Variants in ARHGEF10L observed in about 807,000 individuals in gnomAD.
ARHGEF10L encodes the protein Rho guanine nucleotide exchange factor 10 like, also known as rho guanine nucleotide exchange factor 10-like protein.
A neutral mutation model predicts 141.2 loss-of-function variants in ARHGEF10L; 69 were observed. That is an observed-to-expected ratio of 0.49 (90% CI 0.40 to 0.60). ARHGEF10L has a LOEUF of 0.60. ARHGEF10L is among the 20% of genes least tolerant of loss of function. The pLI is 0.00. For synonymous variants in ARHGEF10L, 711 were observed against 718.5 expected, an observed-to-expected ratio of 0.99 and a Z score of 0.17; for missense variants, 1,482 against 1,734.3, an observed-to-expected ratio of 0.85 and a Z score of 2.58.
chr1:17,569,608 C>T (rs2077906808), intron 1 of ARHGEF10L, among the ~76,000 whole-genome samples: 1 of 152,158 alleles, frequency 6.6e-6, no homozygotes, highest in Non-Finnish European at 1.5e-5. Flanking sequence ...GAGCTTGGAG[C>T]CAGATGGGAC....
At position 17,654,618 on chromosome 1, in the gene ARHGEF10L, C is replaced by A; in HGVS notation, c.2395-18C>A. The A allele has an allele frequency of 6.2e-7, 1 of 1,611,122 alleles. No individual in the cohort carries two copies. Among genetic ancestry groups the A allele is most frequent in the Non-Finnish European group, 8.5e-7 (1 of 1,177,278 alleles). ...ACCTTGATGATTAACCTCACATGTA[C>A]CGTCTCTGTCTCTGCAGCTTGGGGC... On this transcript the variant is annotated intron_variant, in intron 22 of 28. Transcript: ENST00000361221. This position sits in a 1 kb window ranked among gnomAD's most constrained non-coding sequence, Gnocchi z 4.3.
At chr1:17,605,463 C>T (rs1022392892) in intron 6 of ARHGEF10L, among the ~76,000 whole-genome samples, 1 of 152,110 alleles carries the variant, frequency 6.6e-6, no homozygotes, top group Non-Finnish European at 1.5e-5. Context: ...TTATGTGGTC[C>T]CTGAAAGCTG....
rs2081271951 is a variant in ARHGEF10L at position 17,607,365 on chromosome 1, C to G, written c.434-437C>G. Among the ~76,000 whole-genome samples, 1 of 152,144 alleles carries G rather than the reference C, an allele frequency of 6.6e-6. No individual in the cohort carries two copies. Among genetic ancestry groups the G allele is most frequent in the Non-Finnish European group, 1.5e-5 (1 of 68,038 alleles). ...TGGTGCACACCTGTAGTCCCGGCTA[C>G]CTGGGAAGCTGAGATAGGAGGATCT... On this transcript the variant is annotated intron_variant, in intron 6 of 28. Coordinates refer to ENST00000361221, the MANE Select transcript of ARHGEF10L (RefSeq NM_018125.4). The surrounding 1 kb of genome is among the most constrained non-coding windows in gnomAD (Gnocchi z 4.5).
Position 17,578,762 on chromosome 1 carries a change from T to C in ARHGEF10L, c.-43-1791T>C, listed in dbSNP as rs1217868904. The stretch of plus-strand genomic sequence containing the variant: ...CCTCAAAACAAAACCAAACCTACTA[T>C]GCAGCTGTTAAAAAAAGTGGGGTTG... On this transcript the variant is annotated intron_variant, in intron 1 of 28. Coordinates refer to ENST00000361221, the MANE Select transcript of ARHGEF10L (RefSeq NM_018125.4). 4.6e-5 allele frequency among the ~76,000 whole-genome samples: 7 copies of C among 152,166 alleles called. No individual in the cohort carries two copies. In the East Asian group the frequency reaches 1.3e-3, roughly 29 times the overall value.
chr1:17,618,222 C>T, intron 9 of ARHGEF10L: 1 of 1,167,316 alleles, frequency 8.6e-7, no homozygotes, highest in Non-Finnish European at 1.2e-6. Flanking sequence ...GGGTCACCCT[C>T]CCAACCCCAG....
At position 17,656,182 on chromosome 1, in the gene ARHGEF10L, G is replaced by C; in HGVS notation, c.2705+80G>C. 7.0e-7 allele frequency: 1 copy of C among 1,438,682 alleles called. No individual in the cohort carries two copies. The highest frequency in any genetic ancestry group is 9.4e-7 in the Non-Finnish European group (1 of 1,060,852). The allele number at this position is 1,438,682 out of a possible 1,614,324, so 89.1% of individuals were successfully genotyped here. A position where few individuals can be genotyped will look rare whatever the true frequency, so the allele number is the denominator to read the frequency against. ...TGGGGGCTGTCCCTGTAGCCTTCCG[G>C]ATCTGCCTGTTGCCCACCAACATTC... is the stretch of plus-strand genomic sequence containing the variant. On this transcript the variant is annotated intron_variant, in intron 24 of 28. Coordinates refer to ENST00000361221, the MANE Select transcript of ARHGEF10L (RefSeq NM_018125.4). The surrounding 1 kb of genome is among the most constrained non-coding windows in gnomAD (Gnocchi z 4.9).
chr1:17,599,765 T>C (rs940534667), intron 4 of ARHGEF10L, among the ~76,000 whole-genome samples: 12 of 152,190 alleles, frequency 7.9e-5, no homozygotes, highest in African/African-American at 2.9e-4. Flanking sequence ...ACTGTTGACT[T>C]CTGGCAGTGA....
intron 1 of ARHGEF10L, among the ~76,000 whole-genome samples, chr1:17,557,923 A>G (rs2077399241): frequency 6.6e-6 from 1 of 152,178 alleles, no homozygotes; most frequent in African/African-American, 2.4e-5. Context: ...GAGCTCCAGT[A>G]AATTCCACAC....
chr1:17,588,303 G>A lies in ARHGEF10L; in HGVS notation c.224-143G>A. The A allele has an allele frequency of 6.3e-6, 5 of 791,790 alleles. 1 individual carries two copies. The South Asian group carries it at 6.9e-5, about 11-fold the overall frequency. 49.0% of individuals were successfully genotyped at this position (791,790 alleles called of 1,614,324 possible). ...GATGACTGAGCCAGGGCTGGGGGAG[G>A]GAGGCGGGGCTCAGCAGGCACCCAG... On this transcript the variant is annotated intron_variant, in intron 3 of 28. Transcript: ENST00000361221.
chr1:17,542,833 G>A (rs1448325061), intron 1 of ARHGEF10L, among the ~76,000 whole-genome samples: 3 of 152,148 alleles, frequency 2.0e-5, no homozygotes, highest in African/African-American at 7.2e-5. Context: ...CAGCGAAGGC[G>A]CCAGCACTCA....
the ARHGEF10L span, among the ~76,000 whole-genome samples, chr1:17,519,009 C>T: frequency 6.7e-5 from 10 of 150,224 alleles, no homozygotes; most frequent in African/African-American, 2.5e-4. Context: ...AACCCCGTCT[C>T]TACTAAAAAT....
Position 17,656,193 on chromosome 1 carries a change from T to TG in ARHGEF10L, c.2705+92dup. On this transcript the variant is annotated intron_variant, in intron 24 of 28. Transcript: ENST00000361221. The surrounding 1 kb of genome is among the most constrained non-coding windows in gnomAD (Gnocchi z 4.9). ...CCTGTAGCCTTCCGGATCTGCCTGT[T>TG]GCCCACCAACATTCTCTGCCCCTGG... 1 of 1,382,522 alleles carries TG rather than the reference T, an allele frequency of 7.2e-7. No individual in the cohort carries two copies. Among genetic ancestry groups the TG allele is most frequent in the Non-Finnish European group, 9.8e-7 (1 of 1,015,256 alleles). The allele number at this position is 1,382,522 out of a possible 1,614,324, so 85.6% of individuals were successfully genotyped here. A position where few individuals can be genotyped will look rare whatever the true frequency, so the allele number is the denominator to read the frequency against.
chr1:17,608,823 C>T (rs760763992), intron 7 of ARHGEF10L, among the ~76,000 whole-genome samples: 13 of 152,136 alleles, frequency 8.5e-5, no homozygotes, highest in East Asian at 1.9e-4. Context: ...CTCACTCTTT[C>T]GCCCAGGCTG....
chr1:17,694,683 C>T (rs999068594), intron 27 of ARHGEF10L: 13 of 342,282 alleles, frequency 3.8e-5, no homozygotes, highest in African/African-American at 8.7e-5. Context: ...AGAGCCACCT[C>T]GATGCCTCTC....
intron 2 of ARHGEF10L, among the ~76,000 whole-genome samples, chr1:17,585,995 C>A (rs983097322): frequency 6.6e-6 from 1 of 152,198 alleles, no homozygotes; most frequent in East Asian, 1.9e-4. Context: ...GGTGATTTTA[C>A]CCTCCAGGGG....
At chr1:17,626,126 A>C in intron 14 of ARHGEF10L, 78 bp downstream of exon 14, 2 of 1,319,474 alleles carry the variant, frequency 1.5e-6, no homozygotes. Context: ...GGTAGGAGGG[A>C]GGAGGTCTGG....
intron 27 of ARHGEF10L, chr1:17,689,699 C>T (rs1304591979): frequency 6.8e-6 from 3 of 444,154 alleles, no homozygotes; most frequent in Non-Finnish European, 1.3e-5. Flanking sequence ...ATAAAAATGT[C>T]TCTGTATCAC....
At chr1:17,676,488 C>T (rs1040011997) in intron 26 of ARHGEF10L, among the ~76,000 whole-genome samples, 2 of 151,990 alleles carry the variant, frequency 1.3e-5, no homozygotes, top group East Asian at 1.9e-4. Flanking sequence ...TGTCTGGATT[C>T]CACCATTCAA....
At chr1:17,599,153 T>G (rs1337070651) in intron 4 of ARHGEF10L, among the ~76,000 whole-genome samples, 1 of 152,050 alleles carries the variant, frequency 6.6e-6, no homozygotes, top group East Asian at 1.9e-4. Flanking sequence ...CTGGCCAACG[T>G]GGCGAAACCC....
Sources: allele counts gnomAD v4.1 joint callset (sites outside exome capture counted in the v4.1 genomes callset), GRCh38; gene constraint gnomAD v4.1.1; non-coding constraint Gnocchi (gnomAD v3.1); transcripts MANE v1.5; gene names NCBI Gene and HGNC (gene_info 2026-07-23, HGNC 2026-07-21).